SMC3: variants seen among roughly 807,000 people sequenced by gnomAD.
SMC3 encodes the protein structural maintenance of chromosomes protein 3.
Under a neutral mutation model 171.8 loss-of-function variants are expected in SMC3, and 20 were observed. The ratio of observed to expected loss-of-function variants is 0.12; its 90% CI spans 0.08 to 0.17. SMC3 has a LOEUF of 0.17. Among genes scored for constraint, SMC3 ranks in the 10% least tolerant of loss-of-function variants. The pLI, the probability that SMC3 is intolerant of heterozygous loss-of-function variation, is 1.00. For synonymous variants in SMC3, 464 were observed against 451.1 expected (o/e 1.03, Z -0.36); for missense variants, 543 against 1,420.4 (o/e 0.38, Z 9.93).
intron 13 of SMC3, among the ~76,000 whole-genome samples, chr10:110,584,690 AAC>A (rs1480687498): frequency 1.3e-5 from 2 of 152,322 alleles, no homozygotes; most frequent in African/African-American, 2.4e-5. Flanking sequence ...CAGTGGTACA[AAC>A]ACAACTCACT....
chr10:110,603,640 A>G (rs1861421439), intron 28 of SMC3, among the ~76,000 whole-genome samples: 1 of 152,222 alleles, frequency 6.6e-6, no homozygotes, highest in South Asian at 2.1e-4. Flanking sequence ...ATAGCAAAGT[A>G]ATAGAAAGTG....
intron 18 of SMC3, 85 bp from the exon 19 acceptor site, chr10:110,596,313 C>A: frequency 7.7e-7 from 1 of 1,299,798 alleles, no homozygotes; most frequent in Non-Finnish European, 1.1e-6. Flanking sequence ...CTACTTAAAG[C>A]CTGTAGGTTA....
chr10:110,593,426 G>C (rs992737385), intron 18 of SMC3, among the ~76,000 whole-genome samples: 4 of 152,098 alleles, frequency 2.6e-5, no homozygotes, highest in African/African-American at 7.2e-5. Context: ...ACAAAGATTA[G>C]CTGGGTGTGG....
chr10:110,591,153 G>C (rs1461795518), intron 17 of SMC3, 21 bp downstream of exon 17: 1 of 1,609,852 alleles, frequency 6.2e-7, no homozygotes, highest in African/African-American at 1.3e-5. Context: ...GTGTGATAAG[G>C]TGTATTTCTC....
intron 2 of SMC3, among the ~76,000 whole-genome samples, chr10:110,569,829 T>G (rs749117213): frequency 6.6e-6 from 1 of 152,194 alleles, no homozygotes; most frequent in Non-Finnish European, 1.5e-5. Flanking sequence ...TTGCTCAGAT[T>G]GTAGTGTGCA....
intron 1 of SMC3, chr10:110,568,240 G>A (rs1476127046): frequency 4.1e-6 from 1 of 242,930 alleles, no homozygotes; most frequent in African/African-American, 2.3e-5. Context: ...TGCCTGGGAT[G>A]TGTGGAAAGG....
intron 19 of SMC3, among the ~76,000 whole-genome samples, chr10:110,597,142 T>TA (rs1861312699): frequency 4.2e-5 from 1 of 23,978 alleles, no homozygotes; most frequent in African/African-American, 8.9e-5. Context: ...GGACCCTGTC[T>TA]CAAAAAAAAA....
At chr10:110,573,335 G>C (rs1184452869) in intron 2 of SMC3, among the ~76,000 whole-genome samples, 1 of 152,004 alleles carries the variant, frequency 6.6e-6, no homozygotes, top group African/African-American at 2.4e-5. Flanking sequence ...ATTTTAGAAC[G>C]TTAGCAATAT....
intron 23 of SMC3, 72 bp downstream of exon 23, chr10:110,601,202 C>A: frequency 9.4e-7 from 1 of 1,059,344 alleles, no homozygotes; most frequent in South Asian, 1.3e-5. Context: ...AATGAAATGT[C>A]CAAATAGGCA....
intron 27 of SMC3, 78 bp from the exon 28 acceptor site, chr10:110,603,102 TAGTA>T (rs1382440759): frequency 1.3e-6 from 2 of 1,529,368 alleles, no homozygotes; most frequent in Middle Eastern, 1.7e-4. Flanking sequence ...TTTTGAATTT[TAGTA>T]AGAGTAAAGA....
intron 7 of SMC3, 134 bp downstream of exon 7, chr10:110,578,840 C>G: frequency 1.5e-6 from 1 of 669,606 alleles, no homozygotes; most frequent in Non-Finnish European, 2.7e-6. Context: ...CCATAAAGTA[C>G]CAAATAGGTC....
At chr10:110,587,348 A>G (rs987000460) in intron 13 of SMC3, among the ~76,000 whole-genome samples, 1 of 152,172 alleles carries the variant, frequency 6.6e-6, no homozygotes, top group African/African-American at 2.4e-5. Context: ...ATTAGTGTTC[A>G]GATACACCTG....
At chr10:110,597,274 T>G (rs978635936) in intron 19 of SMC3, among the ~76,000 whole-genome samples, 5 of 152,000 alleles carry the variant, frequency 3.3e-5, no homozygotes, top group African/African-American at 1.2e-4. Flanking sequence ...AGCCATAGTT[T>G]TTTTTTTTAC....
chr10:110,589,812 A>G lies in SMC3; in HGVS notation c.1410-80A>G, dbSNP rs556304350. On this transcript the variant is annotated intron_variant, in intron 14 of 28. Coordinates refer to ENST00000361804, the MANE Select transcript of SMC3 (RefSeq NM_005445.4). ...TTAACCGGTCAGGCTTGTTTTCTGT[A>G]TTTTGATTCTAAACTGTATACTGTT... 7.3e-5 allele frequency: 110 copies of G among 1,498,218 alleles called. No homozygotes were observed. In the South Asian group the frequency reaches 1.2e-3, roughly 16 times the overall value. 92.8% of individuals were successfully genotyped at this position (1,498,218 alleles called of 1,614,324 possible). A position where few individuals can be genotyped will look rare whatever the true frequency, so the allele number is the denominator to read the frequency against.
intron 18 of SMC3, among the ~76,000 whole-genome samples, chr10:110,595,211 C>T (rs1355826594): frequency 1.1e-4 from 16 of 152,132 alleles, no homozygotes; most frequent in Admixed American, 1.0e-3. Context: ...AACTCCTGAC[C>T]TCAGGTGATC....
chr10:110,593,267 A>G (rs753701811), intron 18 of SMC3, 44 bp downstream of exon 18: 1 of 1,587,088 alleles, frequency 6.3e-7, no homozygotes, highest in Admixed American at 1.7e-5. Context: ...AAATTCTAAC[A>G]AATCATTTAA....
intron 13 of SMC3, 113 bp downstream of exon 13, chr10:110,584,509 T>C: frequency 1.4e-6 from 1 of 718,798 alleles, no homozygotes; most frequent in Non-Finnish European, 2.4e-6. Context: ...TCTTAAAATA[T>C]ATGACAGATA....
At position 110,575,376 on chromosome 10, in the gene SMC3, T is replaced by C; in HGVS notation, c.171T>C (p.Arg57=). 6.2e-7 allele frequency: 1 copy of C among 1,613,704 alleles called. No homozygotes were observed. ...TCAGTGATGAGTTTAGTCATCTTCG[T>C]CCAGAACAGCGGTTGGCTTTATTGC... ...FVLSDEFSHL[R]PEQRLALLHE... Residue 57 remains arginine (R), a synonymous_variant, in exon 4 of 29, where the codon CGT becomes CGC. Transcript: ENST00000361804.
chr10:110,589,612 A>G lies in SMC3; in HGVS notation c.1313A>G (p.Asp438Gly). The G allele has an allele frequency of 6.3e-7, 1 of 1,594,978 alleles. No homozygotes were observed. Among genetic ancestry groups the G allele is most frequent in the Non-Finnish European group, 8.6e-7 (1 of 1,163,248 alleles). ...EKNLEQYNKL[D>G]QDLNEVKARV... The stretch of plus-strand genomic sequence containing the variant: ...TTATTTTTATTTCCATAGAAACTGG[A>G]CCAGGATCTTAATGAAGTCAAAGCT... The change falls in exon 14 of 29, where the codon GAC becomes GGC. Residue 438 changes from aspartate (D) to glycine (G), a missense_variant. By Grantham distance (94) the Asp-to-Gly change is moderately conservative. Coordinates refer to ENST00000361804, the MANE Select transcript of SMC3 (RefSeq NM_005445.4).
Sources: gnomAD v4.1 joint callset for allele counts (sites outside exome capture counted in the v4.1 genomes callset) on GRCh38, gnomAD v4.1.1 for gene constraint, MANE v1.5 for transcripts, NCBI Gene and HGNC (gene_info 2026-07-23, HGNC 2026-07-21) for gene names.